Variants in PPP1R9A observed in about 807,000 individuals in gnomAD.
PPP1R9A encodes neurabin-1.
In PPP1R9A, 59 loss-of-function variants were observed where a neutral mutation model predicts 141.9. The ratio of observed to expected loss-of-function variants is 0.42; its 90% CI spans 0.34 to 0.52. The LOEUF (loss-of-function observed/expected upper bound fraction) is 0.52. Among genes scored for constraint, PPP1R9A ranks in the 20% least tolerant of loss-of-function variants. The pLI is 0.10. For synonymous variants in PPP1R9A, 500 were observed against 569.7 expected (o/e 0.88, Z 1.74); for missense variants, 1,444 against 1,611.9 (o/e 0.90, Z 1.78).
chr7:94,919,867 G>C (rs994759894), intron 2 of PPP1R9A, among the ~76,000 whole-genome samples: 1 of 152,126 alleles, frequency 6.6e-6, no homozygotes. Context: ...CTGTCAGGTT[G>C]GACAAGTGTG....
chr7:94,910,862 G>A lies in PPP1R9A; in HGVS notation c.749G>A (p.Gly250Asp). Residue 250 changes from glycine (G) to aspartate (D), a missense_variant, in exon 2 of 20, where the codon GGT (glycine) becomes GAT (aspartate). Coordinates refer to ENST00000433360, the MANE Select transcript of PPP1R9A (RefSeq NM_001166160.2). This position sits in a 1 kb window ranked among gnomAD's most constrained non-coding sequence, Gnocchi z 4.5. Reference protein sequence around the residue: ...SVTVTNLDTFGHLKDSNSWPP... With the variant: ...SVTVTNLDTFDHLKDSNSWPP... ...ACTGTTACAAATCTTGACACATTTGGTCACCTGAAGGATTCTAATTCCTGG... is the reference window on the plus strand; with the variant it reads ...ACTGTTACAAATCTTGACACATTTGATCACCTGAAGGATTCTAATTCCTGG... 1.2e-6 allele frequency: 2 copies of A among 1,613,922 alleles called. No individual in the cohort carries two copies. The highest frequency in any genetic ancestry group is 1.7e-5 in the Admixed American group (1 of 60,016).
intron 2 of PPP1R9A, among the ~76,000 whole-genome samples, chr7:94,958,977 A>G (rs2151102532): frequency 6.6e-6 from 1 of 152,166 alleles, no homozygotes; most frequent in African/African-American, 2.4e-5. Flanking sequence ...GAAATAGTTA[A>G]TGGACAACCA....
chr7:94,950,884 G>A (rs1191269463), intron 2 of PPP1R9A, among the ~76,000 whole-genome samples: 1 of 151,878 alleles, frequency 6.6e-6, no homozygotes, highest in Non-Finnish European at 1.5e-5. Context: ...AGTAGTTGGG[G>A]CCACAGGCAT....
chr7:95,259,016 T>A (rs1251006646), intron 12 of PPP1R9A, among the ~76,000 whole-genome samples: 1 of 152,180 alleles, frequency 6.6e-6, no homozygotes, highest in Non-Finnish European at 1.5e-5. Context: ...TTTGTATAGC[T>A]GCAGTAAAAA....
chr7:95,159,426 G>A (rs1437637715), intron 4 of PPP1R9A, among the ~76,000 whole-genome samples: 1 of 152,000 alleles, frequency 6.6e-6, no homozygotes, highest in African/African-American at 2.4e-5. Context: ...ATTATTATTA[G>A]TATTATACTT....
At chr7:95,221,659 C>T (rs1585326449) in intron 7 of PPP1R9A, among the ~76,000 whole-genome samples, 2 of 151,834 alleles carry the variant, frequency 1.3e-5, no homozygotes, top group Admixed American at 6.6e-5. Context: ...AAATACAGTG[C>T]TTTGGGAAGA....
At chr7:95,064,585 T>G (rs1303833718) in intron 2 of PPP1R9A, among the ~76,000 whole-genome samples, 2 of 152,198 alleles carry the variant, frequency 1.3e-5, no homozygotes, top group Non-Finnish European at 2.9e-5. Context: ...TTATTTGACC[T>G]CAGCTGGGAA....
At chr7:95,009,045 G>T (rs575027701) in intron 2 of PPP1R9A, among the ~76,000 whole-genome samples, 2 of 151,974 alleles carry the variant, frequency 1.3e-5, no homozygotes, top group Non-Finnish European at 2.9e-5. Flanking sequence ...GCAAACTATC[G>T]CAAGGACAGA....
chr7:95,249,938 A>C (rs1027594730), intron 9 of PPP1R9A, 88 bp from the exon 10 acceptor site: 7 of 1,449,154 alleles, frequency 4.8e-6, no homozygotes, highest in Non-Finnish European at 6.4e-6. Context: ...ATGATAATAG[A>C]ACTTGATCTA....
intron 2 of PPP1R9A, among the ~76,000 whole-genome samples, chr7:95,062,261 G>A (rs1165833426): frequency 6.6e-6 from 1 of 152,050 alleles, no homozygotes; most frequent in Non-Finnish European, 1.5e-5. Flanking sequence ...ACCCTTGCTT[G>A]TATGAAGTCA....
chr7:95,129,846 C>T (rs548303425), intron 4 of PPP1R9A, among the ~76,000 whole-genome samples: 10 of 152,196 alleles, frequency 6.6e-5, no homozygotes, highest in African/African-American at 1.9e-4. Flanking sequence ...GAACTTTGAA[C>T]GTGAGAGAGA....
chr7:95,210,488 CAG>C (rs1472085333), intron 7 of PPP1R9A, among the ~76,000 whole-genome samples: 1 of 151,010 alleles, frequency 6.6e-6, no homozygotes, highest in East Asian at 2.0e-4. Context: ...TTTTTTGAGA[CAG>C]AGTCTTGCTC....
chr7:95,235,953 A>G (rs963966877), intron 8 of PPP1R9A, among the ~76,000 whole-genome samples: 1 of 152,174 alleles, frequency 6.6e-6, no homozygotes, highest in Non-Finnish European at 1.5e-5. Flanking sequence ...ATGGGTACAC[A>G]AAGGCATGAG....
intron 8 of PPP1R9A, among the ~76,000 whole-genome samples, chr7:95,229,006 G>T (rs1288065211): frequency 1.3e-5 from 2 of 152,096 alleles, no homozygotes; most frequent in Non-Finnish European, 2.9e-5. Context: ...GGGAGGCTGA[G>T]GTGGGAAAAT....
intron 2 of PPP1R9A, among the ~76,000 whole-genome samples, chr7:95,101,106 C>A (rs1237640276): frequency 1.3e-5 from 2 of 152,038 alleles, no homozygotes; most frequent in Non-Finnish European, 2.9e-5. Flanking sequence ...CCCGCCTCGG[C>A]CTCCCAAAGT....
At chr7:95,010,876 G>A (rs751936611) in intron 2 of PPP1R9A, among the ~76,000 whole-genome samples, 4 of 152,114 alleles carry the variant, frequency 2.6e-5, no homozygotes, top group Non-Finnish European at 5.9e-5. Flanking sequence ...TTATATTGAT[G>A]TTCTGCATTT....
chr7:94,967,548 T>C (rs542112920), intron 2 of PPP1R9A, among the ~76,000 whole-genome samples: 1 of 152,310 alleles, frequency 6.6e-6, no homozygotes, highest in South Asian at 2.1e-4. Flanking sequence ...AAGAACTTAT[T>C]TATTTATACT....
Position 94,983,999 on chromosome 7 carries a change from G to T in PPP1R9A, c.1395+72491G>T, listed in dbSNP as rs539844280. On this transcript the variant is annotated intron_variant, in intron 2 of 19. Coordinates refer to ENST00000433360, the MANE Select transcript of PPP1R9A (RefSeq NM_001166160.2). ...AAATAGCTCTTATTATTTTGAGATA[G>T]GTTCCATCAATACCTAGTTTATTGA... 5.9e-5 allele frequency among the ~76,000 whole-genome samples: 9 copies of T among 152,136 alleles called. No individual in the cohort carries two copies. The South Asian group carries it at 1.5e-3, about 25-fold the overall frequency.
intron 5 of PPP1R9A, among the ~76,000 whole-genome samples, chr7:95,183,694 G>A (rs78342058): frequency 0.12 from 18,486 of 151,274 alleles, 1,229 homozygotes; most frequent in East Asian, 0.16. Context: ...TGGTCCACCC[G>A]CCTCGGGCTC....
Sources: gnomAD v4.1 joint callset for allele counts (sites outside exome capture counted in the v4.1 genomes callset) on GRCh38, gnomAD v4.1.1 for gene constraint, Gnocchi (gnomAD v3.1) non-coding constraint, MANE v1.5 for transcripts, NCBI Gene and HGNC (gene_info 2026-07-23, HGNC 2026-07-21) for gene names.